The following ACP3 variants were observed in gnomAD, a reference collection of about 807,000 sequenced individuals.
The protein encoded by ACP3 is prostatic acid phosphatase.
A neutral mutation model predicts 45.6 loss-of-function variants in ACP3; 38 were observed. The observed-to-expected ratio is 0.83, with a 90% CI of 0.64 to 1.09. The LOEUF (loss-of-function observed/expected upper bound fraction) is 1.09. Among genes scored for constraint, ACP3 ranks in the 50% least tolerant of loss-of-function variants. ACP3 has a pLI of 0.00. For missense variants in ACP3, 466 were observed against 463.2 expected (o/e 1.01, Z -0.05); for synonymous variants, 162 against 164.7 (o/e 0.98, Z 0.13).
chr3:132,348,018 A>T (rs1466196919), intron 7 of ACP3, among the ~76,000 whole-genome samples: 1 of 152,160 alleles, frequency 6.6e-6, no homozygotes, highest in Non-Finnish European at 1.5e-5. Context: ...ATAAAGTTTT[A>T]TTGAAATACA....
chr3:132,352,804 G>A lies in ACP3; in HGVS notation c.949G>A (p.Glu317Lys), dbSNP rs768174463. ...LPPYASCHLT[E>K]LYFEKGEYFV... Reference sequence around the variant, plus strand: ...TCCCTATGCTTCTTGCCACTTGACGGAATTGTACTTTGAGAAGGGGTAAGT... The same window carrying A: ...TCCCTATGCTTCTTGCCACTTGACGAAATTGTACTTTGAGAAGGGGTAAGT... Residue 317 changes from glutamate (E) to lysine (K), a missense_variant, in exon 9 of 10, where the codon GAA becomes AAA. By Grantham distance (56) the Glu-to-Lys change is moderately conservative. Transcript: ENST00000336375. 1 of 1,612,264 alleles carries A rather than the reference G, an allele frequency of 6.2e-7. No homozygotes were observed. The highest frequency in any genetic ancestry group is 2.2e-5 in the East Asian group (1 of 44,852).
downstream of ACP3, among the ~76,000 whole-genome samples, chr3:132,361,184 A>G (rs867400714): frequency 1.3e-5 from 2 of 152,108 alleles, no homozygotes; most frequent in African/African-American, 4.8e-5. Context: ...GTTCAATGAT[A>G]TCCCTTGTTC....
chr3:132,344,824 A>G (rs1215375397), intron 6 of ACP3, 103 bp from the exon 7 acceptor site: 29 of 1,333,330 alleles, frequency 2.2e-5, no homozygotes, highest in Non-Finnish European at 2.9e-5. Context: ...CAGGACAAGA[A>G]AGTCTGGCCC....
chr3:132,364,792 A>G (rs928759101), intron 10 of ACP3, among the ~76,000 whole-genome samples: 1 of 152,238 alleles, frequency 6.6e-6, no homozygotes, highest in African/African-American at 2.4e-5. Context: ...GCAGAAAAGC[A>G]TGTTCCATCA....
chr3:132,351,454 G>A (rs764326135), intron 8 of ACP3, among the ~76,000 whole-genome samples: 8 of 152,164 alleles, frequency 5.3e-5, no homozygotes, highest in Non-Finnish European at 7.4e-5. Context: ...CATGACAAAA[G>A]GTTTCTCAGC....
intron 10 of ACP3, chr3:132,367,595 G>T (rs1481111908): frequency 1.2e-6 from 1 of 819,000 alleles, no homozygotes; most frequent in Non-Finnish European, 2.0e-6. Flanking sequence ...GGCCTCTTTA[G>T]CAACTCCTCT....
At chr3:132,351,619 T>G (rs926574234) in intron 8 of ACP3, among the ~76,000 whole-genome samples, 1 of 152,204 alleles carries the variant, frequency 6.6e-6, no homozygotes, top group Admixed American at 6.5e-5. Context: ...TGGAGAGAGA[T>G]AGGCCTGAAA....
Position 132,357,883 on chromosome 3 carries a change from A to C in ACP3, c.*1005A>C. The C allele has an allele frequency of 3.4e-6, 1 of 295,452 alleles. No individual in the cohort carries two copies. Among genetic ancestry groups the C allele is most frequent in the Non-Finnish European group, 5.0e-6 (1 of 199,472 alleles). 18.3% of individuals were successfully genotyped at this position (295,452 alleles called of 1,614,324 possible). ...ACCTGGTCTCTACATAAAATACAAA[A>C]ACTTAGATGGGCATGGTGGTGTGTG... On this transcript the variant is annotated 3_prime_UTR_variant, in exon 10 of 10. Transcript: ENST00000336375.
At chr3:132,352,913 T>C (rs1937790495) in intron 9 of ACP3, 90 bp downstream of exon 9, 1 of 922,392 alleles carries the variant, frequency 1.1e-6, no homozygotes, top group Admixed American at 2.0e-5. Context: ...TGCCTGTTTG[T>C]CTTTGATTTG....
At chr3:132,360,782 T>C (rs139674097), downstream of ACP3, among the ~76,000 whole-genome samples, 4 of 152,354 alleles carry the variant, frequency 2.6e-5, no homozygotes, top group African/African-American at 9.6e-5. Context: ...AAGCTGAGAA[T>C]CTACAGCACA....
At chr3:132,341,090 T>C (rs1937548145) in intron 5 of ACP3, among the ~76,000 whole-genome samples, 1 of 152,140 alleles carries the variant, frequency 6.6e-6, no homozygotes, top group Admixed American at 6.5e-5. Flanking sequence ...TTGTTTCAGG[T>C]TTACAGTATC....
In ACP3 at chr3:132,356,971, A is replaced by G. The variant is rs1049026131; in HGVS notation, c.*93A>G. Reference sequence around the variant, plus strand: ...ACTTTGGCCATTACCCCCAGCTTTGAGGAAAATGGGCTTTGGATGATTATT... The same window carrying G: ...ACTTTGGCCATTACCCCCAGCTTTGGGGAAAATGGGCTTTGGATGATTATT... On this transcript the variant is annotated 3_prime_UTR_variant, in exon 10 of 10. Coordinates refer to ENST00000336375, the MANE Select transcript of ACP3 (RefSeq NM_001099.5). 1.8e-5 allele frequency: 26 copies of G among 1,469,992 alleles called. No homozygotes were observed. The East Asian group carries it at 5.6e-4, about 32-fold the overall frequency. The allele number at this position is 1,469,992 out of a possible 1,614,324, so 91.1% of individuals were successfully genotyped here.
chr3:132,367,865 A>G (rs749125137), exon 11 of ACP3: 4 of 1,371,090 alleles, frequency 2.9e-6, no homozygotes, highest in South Asian at 1.2e-5. Flanking sequence ...GTGACACAGC[A>G]TCTCTCAGTG....
chr3:132,324,504 ATAGTTTTCTT>A (rs1298319289), intron 1 of ACP3, among the ~76,000 whole-genome samples: 1 of 152,220 alleles, frequency 6.6e-6, no homozygotes, highest in Non-Finnish European at 1.5e-5. Flanking sequence ...CTTTGATCAT[ATAGTTTTCTT>A]ACTTGCTCAG....
chr3:132,354,666 AG>A, intron 9 of ACP3, among the ~76,000 whole-genome samples: 1 of 152,340 alleles, frequency 6.6e-6, no homozygotes, highest in East Asian at 1.9e-4. Flanking sequence ...AGAAAGAGAG[AG>A]TATTTTAGAT....
In ACP3 at chr3:132,342,498, T is replaced by C. The variant is rs899108031; in HGVS notation, c.556-54T>C. ...ATTGTCTGGCCCAAAATATCAATAATGCTGAAGCTGAGAAACCTGTGTAGG... is the reference window on the plus strand; with the variant it reads ...ATTGTCTGGCCCAAAATATCAATAACGCTGAAGCTGAGAAACCTGTGTAGG... On this transcript the variant is annotated intron_variant, in intron 5 of 9. Coordinates refer to ENST00000336375, the MANE Select transcript of ACP3 (RefSeq NM_001099.5). 1.7e-5 allele frequency: 21 copies of C among 1,249,340 alleles called. No individual in the cohort carries two copies. The South Asian group carries it at 2.6e-4, about 16-fold the overall frequency. The allele number at this position is 1,249,340 out of a possible 1,614,324, so 77.4% of individuals were successfully genotyped here. A position where few individuals can be genotyped will look rare whatever the true frequency, so the allele number is the denominator to read the frequency against.
intron 4 of ACP3, among the ~76,000 whole-genome samples, chr3:132,336,053 G>T (rs1376359764): frequency 6.6e-6 from 1 of 152,202 alleles, no homozygotes; most frequent in Non-Finnish European, 1.5e-5. Context: ...GAGGTCAGGA[G>T]ATCGAGACCA....
chr3:132,335,008 C>G (rs962295756), intron 4 of ACP3, among the ~76,000 whole-genome samples: 4 of 152,032 alleles, frequency 2.6e-5, no homozygotes, highest in Non-Finnish European at 5.9e-5. Flanking sequence ...AAATTCTGGA[C>G]AGATGTCTCG....
In ACP3 at chr3:132,337,553, A is replaced by G; in HGVS notation, c.554A>G (p.Lys185Arg). Reference sequence around the variant, plus strand: ...TTCCAGAAGAGGCTGCACCCTTATAAGGTTAAAAGCTAGTTTTGTTTAGTG... The same window carrying G: ...TTCCAGAAGAGGCTGCACCCTTATAGGGTTAAAAGCTAGTTTTGTTTAGTG... ...EEFQKRLHPY[K>R]DFIATLGKLS... The change falls in exon 5 of 10, where the codon AAG (lysine) becomes AGG (arginine). Residue 185 changes from lysine to arginine, a missense_variant and splice_region_variant. Lys to Arg is a conservative substitution (Grantham distance 26, BLOSUM62 2). Coordinates refer to ENST00000336375, the MANE Select transcript of ACP3 (RefSeq NM_001099.5). 6.3e-7 allele frequency: 1 copy of G among 1,592,310 alleles called. No individual in the cohort carries two copies. Among genetic ancestry groups the G allele is most frequent in the South Asian group, 1.1e-5 (1 of 89,370 alleles).
Sources: allele counts gnomAD v4.1 joint callset (sites outside exome capture counted in the v4.1 genomes callset), GRCh38; gene constraint gnomAD v4.1.1; transcripts MANE v1.5; gene names NCBI Gene and HGNC (gene_info 2026-07-23, HGNC 2026-07-21).